RBM19: variants seen among roughly 807,000 people sequenced by gnomAD.
The protein encoded by RBM19 is probable RNA-binding protein 19.
RBM19 carries 94 observed loss-of-function variants against 116.8 expected under a neutral mutation model. The observed-to-expected ratio is 0.80, with a 90% confidence interval of 0.68 to 0.95. The LOEUF is 0.95. Ranked by LOEUF, RBM19 falls within the 40% of genes least tolerant of loss-of-function variation. RBM19 has a pLI of 0.00. For synonymous variants in RBM19, 475 were observed against 494.1 expected, an observed-to-expected ratio of 0.96 and a Z score of 0.51; for missense variants, 1,161 against 1,220.7, an observed-to-expected ratio of 0.95 and a Z score of 0.73.
intron 15 of RBM19, among the ~76,000 whole-genome samples, chr12:113,938,872 C>A (rs1341745770): frequency 6.6e-6 from 1 of 151,970 alleles, no homozygotes; most frequent in East Asian, 2.0e-4. Flanking sequence ...AGAGGAAGCA[C>A]AACCCTGCTG....
At chr12:113,892,303 G>T (rs765926353) in intron 21 of RBM19, among the ~76,000 whole-genome samples, 1 of 152,118 alleles carries the variant, frequency 6.6e-6, no homozygotes, top group Non-Finnish European at 1.5e-5. Context: ...CTCCTCATCT[G>T]TGCGGTGGTG....
chr12:113,839,025 T>TGGCCCACATTCTGC (rs1325946968), intron 23 of RBM19, among the ~76,000 whole-genome samples: 1 of 152,240 alleles, frequency 6.6e-6, no homozygotes, highest in Non-Finnish European at 1.5e-5. Flanking sequence ...TTTCATTCTG[T>TGGCCCACATTCTGC]GGCCCACATT....
At chr12:113,964,555 C>A (rs1872721983) in intron 1 of RBM19, among the ~76,000 whole-genome samples, 1 of 152,164 alleles carries the variant, frequency 6.6e-6, no homozygotes, top group Non-Finnish European at 1.5e-5. Context: ...AGCAAGGCAT[C>A]AAGAGACATG....
At chr12:113,859,341 C>A (rs147618636) in intron 21 of RBM19, among the ~76,000 whole-genome samples, 91 of 152,318 alleles carry the variant, frequency 6.0e-4, no homozygotes, top group Middle Eastern at 3.4e-3. Flanking sequence ...TTCCAAACTG[C>A]CTGTATGTCT....
chr12:113,919,753 C>T (rs1484444567), intron 19 of RBM19, among the ~76,000 whole-genome samples: 2 of 152,124 alleles, frequency 1.3e-5, no homozygotes, highest in Non-Finnish European at 2.9e-5. Context: ...TGTTGAGTCT[C>T]TGTCCAAACA....
intron 1 of RBM19, 111 bp downstream of exon 1, chr12:113,966,081 G>C: frequency 7.7e-7 from 1 of 1,299,322 alleles, no homozygotes; most frequent in Non-Finnish European, 1.1e-6. Flanking sequence ...AATTGGCCCG[G>C]AGTCCTGCCC....
intron 21 of RBM19, among the ~76,000 whole-genome samples, chr12:113,902,777 T>C (rs1205103883): frequency 6.6e-6 from 1 of 152,126 alleles, no homozygotes; most frequent in African/African-American, 2.4e-5. Context: ...ACATACCAGT[T>C]TGTGTAGCTA....
At chr12:113,964,873 C>T (rs1050754155) in intron 1 of RBM19, among the ~76,000 whole-genome samples, 2 of 151,720 alleles carry the variant, frequency 1.3e-5, no homozygotes, top group East Asian at 1.9e-4. Context: ...TCATGTTATA[C>T]ACTACTATAC....
intron 22 of RBM19, among the ~76,000 whole-genome samples, chr12:113,851,409 G>C (rs1877435174): frequency 6.6e-6 from 1 of 152,296 alleles, no homozygotes; most frequent in African/African-American, 2.4e-5. Context: ...TTGGACCTCT[G>C]CAAGTTTATA....
rs1436293632 is a variant in RBM19 at position 113,872,373 on chromosome 12, C to T, written c.2559-13477G>A. ...GTGAGGAGCCTCTCTGCCCGGCAGC[C>T]ACCCCGTCCGGGAGGGAGGTGGGGG... is the stretch of plus-strand genomic sequence containing the variant. On this transcript the variant is annotated intron_variant, in intron 21 of 23. Coordinates refer to ENST00000261741, the MANE Select transcript of RBM19 (RefSeq NM_016196.4). Among the ~76,000 whole-genome samples, 9 of 151,060 alleles carry T rather than the reference C, an allele frequency of 6.0e-5. No homozygotes were observed. In the South Asian group the frequency reaches 1.3e-3, roughly 21 times the overall value.
chr12:113,943,326 G>A (rs1251464704), intron 13 of RBM19, among the ~76,000 whole-genome samples: 1 of 152,138 alleles, frequency 6.6e-6, no homozygotes, highest in Non-Finnish European at 1.5e-5. Flanking sequence ...ATCTGAAGCG[G>A]CTGCAGGCCC....
At chr12:113,884,584 A>G (rs574169378) in intron 21 of RBM19, among the ~76,000 whole-genome samples, 1 of 152,268 alleles carries the variant, frequency 6.6e-6, no homozygotes, top group African/African-American at 2.4e-5. Context: ...TACTGGAGGC[A>G]AGGAGACCCT....
intron 22 of RBM19, among the ~76,000 whole-genome samples, chr12:113,845,612 C>T (rs1381163361): frequency 2.0e-5 from 3 of 152,082 alleles, no homozygotes; most frequent in African/African-American, 7.3e-5. Flanking sequence ...CTAGCAGTCC[C>T]CCAGCCCCTG....
At chr12:113,896,462 C>T (rs796505677) in intron 21 of RBM19, among the ~76,000 whole-genome samples, 2 of 152,222 alleles carry the variant, frequency 1.3e-5, no homozygotes, top group Admixed American at 6.5e-5. Context: ...CTGGCTCCAA[C>T]CTGGAGGACC....
At chr12:113,945,768 G>T in intron 13 of RBM19, 60 bp downstream of exon 13, 3 of 1,398,874 alleles carry the variant, frequency 2.1e-6, no homozygotes, top group Non-Finnish European at 2.0e-6. Context: ...CGAGCCTCCT[G>T]CTCTTTCTCC....
intron 19 of RBM19, 94 bp downstream of exon 19, chr12:113,920,517 C>G: frequency 8.7e-7 from 1 of 1,145,596 alleles, no homozygotes; most frequent in Non-Finnish European, 1.3e-6. Flanking sequence ...GTGTAGACTT[C>G]ATACATATTC....
intron 21 of RBM19, among the ~76,000 whole-genome samples, chr12:113,869,678 G>A (rs1435566064): frequency 6.6e-6 from 1 of 151,918 alleles, no homozygotes; most frequent in African/African-American, 2.4e-5. Flanking sequence ...GTTATCCTCA[G>A]TACACGAAAT....
intron 22 of RBM19, among the ~76,000 whole-genome samples, chr12:113,850,341 G>A (rs1388607197): frequency 2.0e-5 from 3 of 152,340 alleles, no homozygotes; most frequent in South Asian, 2.1e-4. Context: ...CAGACTCCAG[G>A]GCTGCCCTCA....
rs907386988 is a variant in RBM19 at position 113,903,869 on chromosome 12, G to A, written c.2558+11100C>T. Among the ~76,000 whole-genome samples, 16 of 152,086 alleles carry A rather than the reference G, an allele frequency of 1.1e-4. No homozygotes were observed. The highest frequency in any genetic ancestry group is 3.9e-4 in the African/African-American group (16 of 41,398). ...GAGGACATACTTACTCACTTTACCC[G>A]TTAAAAGACAGATTTAAGATGTGGT... On this transcript the variant is annotated intron_variant, in intron 21 of 23. Transcript: ENST00000261741. This position sits in a 1 kb window ranked among gnomAD's most constrained non-coding sequence, Gnocchi z 5.1.
Sources: allele counts gnomAD v4.1 joint callset (sites outside exome capture counted in the v4.1 genomes callset), GRCh38; gene constraint gnomAD v4.1.1; non-coding constraint Gnocchi (gnomAD v3.1); transcripts MANE v1.5; gene names NCBI Gene and HGNC (gene_info 2026-07-23, HGNC 2026-07-21).